HRH1: variants seen among roughly 807,000 people sequenced by gnomAD.
HRH1 encodes histamine receptor H1, also known as histamine H1 receptor.
HRH1 carries 6 observed loss-of-function variants against 10.3 expected under a neutral mutation model. The observed-to-expected ratio is 0.58, with a 90% CI of 0.32 to 1.15. HRH1 has a LOEUF of 1.15. Among genes scored for constraint, HRH1 ranks in the 50% most tolerant of loss-of-function variants. The probability of loss-of-function intolerance (pLI) is 0.05; values close to 1 mark genes in which losing one functional copy is unlikely to be tolerated. For missense variants in HRH1, 514 were observed against 615.3 expected (o/e 0.84, Z 1.74); for synonymous variants, 242 against 236.7 (o/e 1.02, Z -0.21).
At chr3:11,139,996 TA>T (rs35364633) in intron 1 of HRH1, among the ~76,000 whole-genome samples, 11 of 152,158 alleles carry the variant, frequency 7.2e-5, no homozygotes, top group South Asian at 4.1e-4. Flanking sequence ...TTTTAGCTCA[TA>T]AAAAAAATTT....
chr3:11,154,291 C>T (rs1043589887), upstream of HRH1, among the ~76,000 whole-genome samples: 6 of 151,888 alleles, frequency 4.0e-5, no homozygotes, highest in African/African-American at 1.4e-4. This position sits in a 1 kb window ranked among gnomAD's most constrained non-coding sequence, Gnocchi z 4.4. Context: ...AGAGGGTGTC[C>T]GAGCGAGAGG....
upstream of HRH1, among the ~76,000 whole-genome samples, chr3:11,154,095 T>C (rs900370079): frequency 6.6e-6 from 1 of 152,130 alleles, no homozygotes; most frequent in Non-Finnish European, 1.5e-5. The surrounding 1 kb of genome is among the most constrained non-coding windows in gnomAD (Gnocchi z 4.4). Context: ...CTGTGCCTCT[T>C]TGTCTTGATT....
intron 1 of HRH1, among the ~76,000 whole-genome samples, chr3:11,213,544 T>C (rs1186190997): frequency 6.6e-6 from 1 of 152,198 alleles, no homozygotes; most frequent in Non-Finnish European, 1.5e-5. Flanking sequence ...GTTAAGTGTG[T>C]AGGGAGGGTT....
chr3:11,196,614 A>G (rs2125024532), intron 1 of HRH1, among the ~76,000 whole-genome samples: 1 of 152,190 alleles, frequency 6.6e-6, no homozygotes, highest in East Asian at 1.9e-4. Flanking sequence ...CCCTATACTG[A>G]TGGTGAAACT....
At chr3:11,253,805 G>C (rs1374994311) in intron 1 of HRH1, among the ~76,000 whole-genome samples, 1 of 152,136 alleles carries the variant, frequency 6.6e-6, no homozygotes, top group Non-Finnish European at 1.5e-5. Flanking sequence ...CTTCTCCTGA[G>C]AATAAGATGT....
intron 1 of HRH1, among the ~76,000 whole-genome samples, chr3:11,191,789 T>C (rs1937536576): frequency 6.6e-6 from 1 of 151,974 alleles, no homozygotes; most frequent in Non-Finnish European, 1.5e-5. Context: ...AGATAATTCT[T>C]CACCTAAGAA....
At chr3:11,246,557 C>T (rs1393510009) in intron 1 of HRH1, among the ~76,000 whole-genome samples, 3 of 152,234 alleles carry the variant, frequency 2.0e-5, no homozygotes, top group Non-Finnish European at 4.4e-5. Context: ...AAGCACCTTA[C>T]ATTAGTCATC....
intron 1 of HRH1, among the ~76,000 whole-genome samples, chr3:11,142,030 A>G (rs1323242957): frequency 6.6e-6 from 1 of 152,234 alleles, no homozygotes; most frequent in Non-Finnish European, 1.5e-5. Context: ...TGTACTAGAT[A>G]TGGGTAATGC....
upstream of HRH1, among the ~76,000 whole-genome samples, chr3:11,150,248 G>T (rs1936573341): frequency 3.3e-5 from 5 of 152,242 alleles, no homozygotes; most frequent in South Asian, 1.0e-3. Context: ...GGGCCAAGTT[G>T]AAAATGGTCC....
At chr3:11,241,463 C>T (rs541877975) in intron 1 of HRH1, among the ~76,000 whole-genome samples, 22 of 152,134 alleles carry the variant, frequency 1.4e-4, no homozygotes, top group East Asian at 9.6e-4. Context: ...GATTGTAAAA[C>T]GCACCAATCA....
chr3:11,248,830 G>A (rs1034555486), intron 1 of HRH1, among the ~76,000 whole-genome samples: 4 of 152,202 alleles, frequency 2.6e-5, no homozygotes, highest in African/African-American at 9.7e-5. Context: ...CAGGCTGTGG[G>A]GTTCTGGAAG....
intron 1 of HRH1, among the ~76,000 whole-genome samples, chr3:11,144,345 ATG>A (rs112938608): frequency 0.12 from 17,424 of 139,682 alleles, 1,279 homozygotes; most frequent in East Asian, 0.18. Context: ...TGATATGTAT[ATG>A]TGTGTGTGTG....
chr3:11,187,456 A>G (rs1031625197), intron 1 of HRH1, among the ~76,000 whole-genome samples: 3 of 152,058 alleles, frequency 2.0e-5, no homozygotes, highest in Admixed American at 6.6e-5. Flanking sequence ...ATAATAAAAC[A>G]CATGACCTTG....
At chr3:11,214,702 T>A (rs997400472) in intron 1 of HRH1, among the ~76,000 whole-genome samples, 1 of 152,244 alleles carries the variant, frequency 6.6e-6, no homozygotes, top group Non-Finnish European at 1.5e-5. Context: ...TTAGACACTT[T>A]GTATATGTTT....
intron 1 of HRH1, among the ~76,000 whole-genome samples, chr3:11,216,851 G>C (rs1045311617): frequency 6.6e-6 from 1 of 151,696 alleles, no homozygotes; most frequent in Non-Finnish European, 1.5e-5. Context: ...CTGCACACCA[G>C]CCTGGGTGAC....
In HRH1 at chr3:11,214,548, G is replaced by A. The variant is rs565601791; in HGVS notation, c.-35-44455G>A. On this transcript the variant is annotated intron_variant, in intron 1 of 1. Transcript: ENST00000431010. ...CAGGGGAAACTAAGAAGGATGATGCGAGGGAGAAAGACTGAATGGTGAGCT... is the reference window on the plus strand; with the variant it reads ...CAGGGGAAACTAAGAAGGATGATGCAAGGGAGAAAGACTGAATGGTGAGCT... Among the ~76,000 whole-genome samples, 10 of 152,352 alleles carry A rather than the reference G, an allele frequency of 6.6e-5. No homozygotes were observed. The South Asian group carries it at 1.2e-3, about 19-fold the overall frequency.
intron 1 of HRH1, among the ~76,000 whole-genome samples, chr3:11,160,578 C>T (rs900533189): frequency 6.6e-6 from 1 of 152,210 alleles, no homozygotes; most frequent in Admixed American, 6.5e-5. Context: ...GTTCCCCTTC[C>T]TGTTTATTAA....
chr3:11,137,904 G>A (rs1936213917), intron 1 of HRH1, among the ~76,000 whole-genome samples: 1 of 152,060 alleles, frequency 6.6e-6, no homozygotes, highest in Admixed American at 6.5e-5. Context: ...GTCCCTACCA[G>A]CCCAAAAGGA....
intron 1 of HRH1, among the ~76,000 whole-genome samples, chr3:11,220,738 C>T (rs927767279): frequency 3.3e-5 from 5 of 152,140 alleles, no homozygotes; most frequent in African/African-American, 4.8e-5. Flanking sequence ...TATAGCAACC[C>T]CAGGGAAGGG....
Sources: gnomAD v4.1 joint callset for allele counts (sites outside exome capture counted in the v4.1 genomes callset) on GRCh38, gnomAD v4.1.1 for gene constraint, Gnocchi (gnomAD v3.1) non-coding constraint, MANE v1.5 for transcripts, NCBI Gene and HGNC (gene_info 2026-07-23, HGNC 2026-07-21) for gene names.